Variants in ZNF845 observed in about 807,000 individuals in gnomAD.
ZNF845 encodes zinc finger protein 845.
In ZNF845, 59 loss-of-function variants were observed where a neutral mutation model predicts 76.1. That is an observed-to-expected ratio of 0.78 (90% confidence interval 0.63 to 0.96). The LOEUF (loss-of-function observed/expected upper bound fraction) is 0.96. Among genes scored for constraint, ZNF845 ranks in the 40% least tolerant of loss-of-function variants. The probability of loss-of-function intolerance (pLI) is 0.00; values close to 1 mark genes in which losing one functional copy is unlikely to be tolerated. For synonymous variants in ZNF845, 361 were observed against 386.9 expected, an observed-to-expected ratio of 0.93 and a Z score of 0.78; for missense variants, 1,045 against 1,172.8, an observed-to-expected ratio of 0.89 and a Z score of 1.59.
Position 53,353,932 on chromosome 19 carries a change from A to G in ZNF845, c.*344A>G, listed in dbSNP as rs2085365451. The G allele has an allele frequency of 1.6e-5, 13 of 795,262 alleles. No homozygotes were observed. Among genetic ancestry groups the G allele is most frequent in the Non-Finnish European group, 2.5e-5 (13 of 526,974 alleles). 49.3% of individuals were successfully genotyped at this position (795,262 alleles called of 1,614,324 possible). The stretch of plus-strand genomic sequence containing the variant: ...ATGAGAGATTTTGAAAGTGTAATAA[A>G]TGTGGCAAATTTTTCAGACATTGTT... On this transcript the variant is annotated 3_prime_UTR_variant, in exon 4 of 4. Coordinates refer to ENST00000458035, the MANE Select transcript of ZNF845 (RefSeq NM_138374.3).
At chr19:53,348,717 A>G (rs944803726) in intron 3 of ZNF845, among the ~76,000 whole-genome samples, 2 of 152,038 alleles carry the variant, frequency 1.3e-5, no homozygotes, top group African/African-American at 2.4e-5. Flanking sequence ...TACACATTCT[A>G]TGTTTTATAT....
chr19:53,345,457 A>C (rs1445543195), intron 2 of ZNF845, 49 bp from the exon 3 acceptor site: 6 of 1,613,260 alleles, frequency 3.7e-6, no homozygotes, highest in Non-Finnish European at 5.1e-6. Flanking sequence ...TCGTGTAAAG[A>C]TAAGAACTCC....
rs530268357 is a variant in ZNF845, at chr19:53,345,389, G to C, written c.16-117G>C. 7 of 1,580,214 alleles carry C rather than the reference G, an allele frequency of 4.4e-6. No individual in the cohort carries two copies. The South Asian group carries it at 8.1e-5, about 18-fold the overall frequency. ...AATGTGGTGAAGAATCCCTTACTCG[G>C]ATTTGTCAGAACATTCACTACAATT... On this transcript the variant is annotated intron_variant, in intron 2 of 3. Transcript: ENST00000458035.
At position 53,351,483 on chromosome 19, in the gene ZNF845, C is replaced by T; in HGVS notation, c.808C>T (p.Pro270Ser). ...TCGTAGATGTCACACTGGCAAGAAA[C>T]CTTACAAGTGTAATGATTGTGGCAA... ...CHRRCHTGKKPYKCNDCGKTF... is the reference protein window; with the variant it reads ...CHRRCHTGKKSYKCNDCGKTF... The change falls in exon 4 of 4, where the codon CCT becomes TCT. Residue 270 changes from proline to serine, a missense_variant. Pro to Ser is a moderately conservative substitution (Grantham distance 74). Transcript: ENST00000458035. 2.5e-6 allele frequency: 4 copies of T among 1,614,190 alleles called. No individual in the cohort carries two copies. The highest frequency in any genetic ancestry group is 1.1e-5 in the South Asian group (1 of 91,086).
chr19:53,352,907 G>C lies in ZNF845; in HGVS notation c.2232G>C (p.Glu744Asp). 1 of 1,613,940 alleles carries C rather than the reference G, an allele frequency of 6.2e-7. No individual in the cohort carries two copies. Among genetic ancestry groups the C allele is most frequent in the Non-Finnish European group, 8.5e-7 (1 of 1,179,990 alleles). Residue 744 changes from glutamate to aspartate, a missense_variant, in exon 4 of 4, where the codon GAG (glutamate) becomes GAC (aspartate). Physicochemically the swap from Glu to Asp is conservative, Grantham distance 45 (BLOSUM62 2). Transcript: ENST00000458035. Reference protein sequence around the residue: ...LTCHLRLHTGEKPYKCEECDK... With the variant: ...LTCHLRLHTGDKPYKCEECDK... ...GCCATCTTAGACTTCATACTGGAGA[G>C]AAACCTTACAAATGTGAAGAATGTG...
At chr19:53,335,054 A>T (rs1379269661) in intron 1 of ZNF845, among the ~76,000 whole-genome samples, 2 of 152,208 alleles carry the variant, frequency 1.3e-5, no homozygotes, top group Non-Finnish European at 2.9e-5. Flanking sequence ...TGAGAATTTT[A>T]AAATTCCTAT....
rs2085368431 is a variant in ZNF845, at chr19:53,354,283, G to C, written c.*695G>C. On this transcript the variant is annotated 3_prime_UTR_variant, in exon 4 of 4. Transcript: ENST00000458035. Reference sequence around the variant, plus strand: ...TGCAATGAGTATAGCAAACCATCAAGCATTAATTGGCATTAGAGTCAATTC... The same window carrying C: ...TGCAATGAGTATAGCAAACCATCAACCATTAATTGGCATTAGAGTCAATTC... 1 of 418,888 alleles carries C rather than the reference G, an allele frequency of 2.4e-6. No homozygotes were observed. Among genetic ancestry groups the C allele is most frequent in the South Asian group, 1.9e-5 (1 of 52,690 alleles). The allele number at this position is 418,888 out of a possible 1,614,324, so 25.9% of individuals were successfully genotyped here. A position where few individuals can be genotyped will look rare whatever the true frequency, so the allele number is the denominator to read the frequency against.
rs888871133 is a variant in ZNF845, at chr19:53,350,742, G to A, written c.143-76G>A. 2.6e-6 allele frequency: 4 copies of A among 1,510,442 alleles called. No individual in the cohort carries two copies. In the African/African-American group the frequency reaches 4.2e-5, roughly 16 times the overall value. 93.6% of individuals were successfully genotyped at this position (1,510,442 alleles called of 1,614,324 possible). On this transcript the variant is annotated intron_variant, in intron 3 of 3. Coordinates refer to ENST00000458035, the MANE Select transcript of ZNF845 (RefSeq NM_138374.3). Reference sequence around the variant, plus strand: ...AAGTTTAAAATAAGTATTGTTTTTAGTGTCACATTTACACATTTCAGTATT... The same window carrying A: ...AAGTTTAAAATAAGTATTGTTTTTAATGTCACATTTACACATTTCAGTATT...
chr19:53,349,823 T>G (rs946748873), intron 3 of ZNF845, among the ~76,000 whole-genome samples: 34 of 152,152 alleles, frequency 2.2e-4, no homozygotes, highest in African/African-American at 8.0e-4. Context: ...ATTGCTTGAG[T>G]CTAAAGTTCG....
chr19:53,347,251 T>G (rs7260372), intron 3 of ZNF845, among the ~76,000 whole-genome samples: 51,082 of 151,264 alleles, frequency 0.34, 9,049 homozygotes, highest in East Asian at 0.48. Flanking sequence ...AGTTACTCTT[T>G]AGACTTCTTT....
At position 53,353,979 on chromosome 19, in the gene ZNF845, G is replaced by A. The variant is rs754992836; in HGVS notation, c.*391G>A. 3.2e-4 allele frequency: 162 copies of A among 508,122 alleles called. No individual in the cohort carries two copies. Among genetic ancestry groups the A allele is most frequent in the Non-Finnish European group, 4.7e-4 (136 of 286,320 alleles). 31.5% of individuals were successfully genotyped at this position (508,122 alleles called of 1,614,324 possible). Reference sequence around the variant, plus strand: ...TGTTCATACCTTGCAGTTCATCGGTGAACTCATGCTGGAGAGAAACCTTAC... The same window carrying A: ...TGTTCATACCTTGCAGTTCATCGGTAAACTCATGCTGGAGAGAAACCTTAC... On this transcript the variant is annotated 3_prime_UTR_variant, in exon 4 of 4. Transcript: ENST00000458035.
intron 2 of ZNF845, among the ~76,000 whole-genome samples, chr19:53,345,138 A>G (rs2085285445): frequency 6.6e-6 from 1 of 152,068 alleles, no homozygotes; most frequent in South Asian, 2.1e-4. Flanking sequence ...CAATATGGTG[A>G]AACTCCGTCT....
chr19:53,337,156 T>C (rs2085221250), intron 1 of ZNF845: 1 of 456,820 alleles, frequency 2.2e-6, no homozygotes, highest in African/African-American at 2.0e-5. Context: ...CTTTTCTCTT[T>C]TCCCAAACAC....
intron 1 of ZNF845, among the ~76,000 whole-genome samples, chr19:53,340,498 G>A (rs2085248688): frequency 6.6e-6 from 1 of 152,176 alleles, no homozygotes; most frequent in Admixed American, 6.5e-5. Flanking sequence ...GTCCAAAGGT[G>A]ACTTCCCGAA....
Position 53,353,386 on chromosome 19 carries a change from GTCA to G in ZNF845, c.2716_2718del (p.His906del), listed in dbSNP as rs745523265. Reference sequence around the variant, plus strand: ...TTTAATCAACAAGCACACCTTGCATGTCATCATAGAATTCATACTGGAGAGAAA... The same window carrying G: ...TTTAATCAACAAGCACACCTTGCATGTCATAGAATTCATACTGGAGAGAAA... On this transcript the variant is annotated inframe_deletion, in exon 4 of 4. Coordinates refer to ENST00000458035, the MANE Select transcript of ZNF845 (RefSeq NM_138374.3). 54 of 1,607,940 alleles carry G rather than the reference GTCA, an allele frequency of 3.4e-5. 2 individuals carry two copies. In the South Asian group the frequency reaches 5.4e-4, roughly 16 times the overall value.
intron 1 of ZNF845, among the ~76,000 whole-genome samples, chr19:53,338,340 C>CA (rs1255682800): frequency 5.3e-5 from 8 of 152,292 alleles, no homozygotes; most frequent in Non-Finnish European, 1.2e-4. Context: ...TCATCTGTGT[C>CA]ACTGCCTCAC....
chr19:53,353,920 A>G lies in ZNF845; in HGVS notation c.*332A>G. 2 of 920,950 alleles carry G rather than the reference A, an allele frequency of 2.2e-6. No individual in the cohort carries two copies. Among genetic ancestry groups the G allele is most frequent in the Non-Finnish European group, 3.2e-6 (2 of 633,556 alleles). 57.0% of individuals were successfully genotyped at this position (920,950 alleles called of 1,614,324 possible). ...GGAGAATCCATAATGAGAGATTTTG[A>G]AAGTGTAATAAATGTGGCAAATTTT... On this transcript the variant is annotated 3_prime_UTR_variant, in exon 4 of 4. Coordinates refer to ENST00000458035, the MANE Select transcript of ZNF845 (RefSeq NM_138374.3).
Position 53,351,248 on chromosome 19 carries a change from C to T in ZNF845, c.573C>T (p.Asn191=), listed in dbSNP as rs73057056. Residue 191 remains asparagine, a synonymous_variant, in exon 4 of 4, where the codon AAC becomes AAT. Transcript: ENST00000458035. ...SCRPKTHISK[N]YGNNFLNSSL... Reference sequence around the variant, plus strand: ...GGCCTAAAACCCACATTTCTAAGAACTATGGGAATAATTTCCTGAATTCTT... The same window carrying T: ...GGCCTAAAACCCACATTTCTAAGAATTATGGGAATAATTTCCTGAATTCTT... 5 of 1,614,186 alleles carry T rather than the reference C, an allele frequency of 3.1e-6. No homozygotes were observed. Among genetic ancestry groups the T allele is most frequent in the Non-Finnish European group, 4.2e-6 (5 of 1,180,020 alleles).
chr19:53,345,309 C>A (rs1266756089), intron 2 of ZNF845, among the ~76,000 whole-genome samples, 197 bp from the exon 3 acceptor site: 2 of 150,370 alleles, frequency 1.3e-5, no homozygotes, highest in Admixed American at 6.7e-5. Flanking sequence ...GAGCGAGACT[C>A]CGTCTCAAAA....
Sources: gnomAD v4.1 joint callset for allele counts (sites outside exome capture counted in the v4.1 genomes callset) on GRCh38, gnomAD v4.1.1 for gene constraint, MANE v1.5 for transcripts, NCBI Gene and HGNC (gene_info 2026-07-23, HGNC 2026-07-21) for gene names.